R3HDM1: variants seen among roughly 807,000 people sequenced by gnomAD.
The protein encoded by R3HDM1 is R3H domain containing 1.
In R3HDM1, 46 loss-of-function variants were observed where a neutral mutation model predicts 141.1. The observed-to-expected ratio is 0.33, with a 90% CI of 0.26 to 0.42. The LOEUF (loss-of-function observed/expected upper bound fraction) is 0.42, where lower values mean the gene tolerates loss of function less well. R3HDM1 is among the 10% of genes least tolerant of loss of function. R3HDM1 has a pLI of 1.00. For missense variants in R3HDM1, 1,184 were observed against 1,368.3 expected, an observed-to-expected ratio of 0.87 and a Z score of 2.12; for synonymous variants, 435 against 472.9, an observed-to-expected ratio of 0.92 and a Z score of 1.04.
intron 1 of R3HDM1, chr2:135,559,112 G>A (rs1468034103): frequency 8.9e-6 from 8 of 899,382 alleles, no homozygotes; most frequent in Admixed American, 7.3e-5. Flanking sequence ...TGTGTGTGTG[G>A]TTTTGTTGTT....
chr2:135,575,546 A>C (rs1300126871), intron 1 of R3HDM1, among the ~76,000 whole-genome samples: 1 of 152,212 alleles, frequency 6.6e-6, no homozygotes, highest in East Asian at 1.9e-4. Context: ...ACAGGGGATC[A>C]CTGGTAAAAT....
intron 1 of R3HDM1, among the ~76,000 whole-genome samples, chr2:135,540,306 C>T (rs1331561182): frequency 1.3e-5 from 2 of 152,182 alleles, no homozygotes; most frequent in South Asian, 2.1e-4. Context: ...CCAAGTCATC[C>T]ATAAAGGTTG....
chr2:135,652,008 A>T lies in R3HDM1; in HGVS notation c.2004A>T (p.Gly668=), dbSNP rs2065200692. 6.2e-7 allele frequency: 1 copy of T among 1,602,176 alleles called. No homozygotes were observed. Among genetic ancestry groups the T allele is most frequent in the South Asian group, 1.1e-5 (1 of 88,538 alleles). The stretch of plus-strand genomic sequence containing the variant: ...GCCAGCCTGTGCTCCAGCAGCAGGG[A>T]TATATTCAGCAGCCATCACCACAGG... ...PVSQPVLQQQ[G]YIQQPSPQMP... is the part of the protein sequence containing the mutation. Residue 668 remains glycine, a synonymous_variant, in exon 18 of 27, where the codon GGA becomes GGT. Coordinates refer to ENST00000683871, the MANE Select transcript of R3HDM1 (RefSeq NM_001378107.1).
chr2:135,600,676 C>T (rs1307373021), intron 1 of R3HDM1, among the ~76,000 whole-genome samples: 1 of 152,176 alleles, frequency 6.6e-6, no homozygotes, highest in African/African-American at 2.4e-5. Context: ...ATGCCATTGA[C>T]TCCTTCCCAG....
chr2:135,657,410 C>T (rs78607624), intron 18 of R3HDM1, among the ~76,000 whole-genome samples: 1 of 73,896 alleles, frequency 1.4e-5, no homozygotes, highest in Non-Finnish European at 3.0e-5. Context: ...TACTCTGTCT[C>T]AAAAAAAAAA....
At chr2:135,591,901 C>G (rs770134086) in intron 1 of R3HDM1, among the ~76,000 whole-genome samples, 1 of 152,154 alleles carries the variant, frequency 6.6e-6, no homozygotes, top group Non-Finnish European at 1.5e-5. Flanking sequence ...TGTTCTCTCC[C>G]CATGAGGTCA....
At chr2:135,695,559 A>G (rs1446213777) in intron 21 of R3HDM1, among the ~76,000 whole-genome samples, 2 of 152,250 alleles carry the variant, frequency 1.3e-5, no homozygotes, top group Non-Finnish European at 2.9e-5. Context: ...CAAGCAAAAG[A>G]AATGTGAAGA....
At position 135,631,944 on chromosome 2, in the gene R3HDM1, A is replaced by G; in HGVS notation, c.641A>G (p.His214Arg). The G allele has an allele frequency of 1.2e-6, 2 of 1,612,818 alleles. No homozygotes were observed. Among genetic ancestry groups the G allele is most frequent in the Non-Finnish European group, 1.7e-6 (2 of 1,179,010 alleles). The change falls in exon 9 of 27, where the codon CAC becomes CGC. Residue 214 changes from histidine to arginine, a missense_variant. By Grantham distance (29) the His-to-Arg change is conservative. Coordinates refer to ENST00000683871, the MANE Select transcript of R3HDM1 (RefSeq NM_001378107.1). ...HRVAAYFGLD[H>R]NVDQSGKSVI... is the part of the protein sequence containing the mutation. Reference sequence around the variant, plus strand: ...GTAGCCGCTTACTTTGGATTAGACCACAATGTTGATCAGAGTGGGAAGTCT... The same window carrying G: ...GTAGCCGCTTACTTTGGATTAGACCGCAATGTTGATCAGAGTGGGAAGTCT...
At chr2:135,607,170 G>A (rs2060147916) in intron 3 of R3HDM1, 1 of 232,632 alleles carries the variant, frequency 4.3e-6, no homozygotes, top group Non-Finnish European at 7.0e-6. Context: ...TGTATTTTTT[G>A]TAGAAACAGG....
chr2:135,710,820 C>T (rs567033643), intron 23 of R3HDM1, among the ~76,000 whole-genome samples: 1 of 152,076 alleles, frequency 6.6e-6, no homozygotes, highest in Non-Finnish European at 1.5e-5. Flanking sequence ...ATTAATGTAA[C>T]CAAATAGTTG....
Position 135,667,410 on chromosome 2 carries a change from A to G in R3HDM1, c.2152+6017A>G, listed in dbSNP as rs1024529783. ...GGTAGTGTTTTAAAAAAAAAAATCT[A>G]TGTTGAGATCTGGATATTTATTTTG... is the stretch of plus-strand genomic sequence containing the variant. On this transcript the variant is annotated intron_variant, in intron 19 of 26. Transcript: ENST00000683871. Among the ~76,000 whole-genome samples the G allele has an allele frequency of 4.0e-5, 6 of 149,496 alleles. 1 individual carries two copies. In the South Asian group the frequency reaches 1.3e-3, roughly 32 times the overall value.
intron 1 of R3HDM1, chr2:135,566,819 G>A (rs1702885991): frequency 1.3e-5 from 12 of 958,382 alleles, no homozygotes; most frequent in Non-Finnish European, 1.5e-5. Flanking sequence ...ACAAAAATAC[G>A]AAAATTAGCC....
At chr2:135,651,198 T>A in intron 17 of R3HDM1, 1 of 985,102 alleles carries the variant, frequency 1.0e-6, no homozygotes, top group South Asian at 4.7e-5. Flanking sequence ...TTTGAAAGAT[T>A]AGAGAAAGGA....
chr2:135,642,873 A>G (rs1053277739), intron 15 of R3HDM1, among the ~76,000 whole-genome samples: 1 of 152,034 alleles, frequency 6.6e-6, no homozygotes, highest in Non-Finnish European at 1.5e-5. Flanking sequence ...TAAATAACTG[A>G]TTTTTCAGAA....
chr2:135,547,018 T>A (rs916728710), intron 1 of R3HDM1, among the ~76,000 whole-genome samples: 12 of 152,134 alleles, frequency 7.9e-5, no homozygotes, highest in African/African-American at 2.9e-4. Context: ...TTAAGATCAT[T>A]TTAATAAGTT....
chr2:135,618,153 ATTAAT>A (rs1162429915), intron 5 of R3HDM1, among the ~76,000 whole-genome samples: 1 of 150,058 alleles, frequency 6.7e-6, no homozygotes, highest in African/African-American at 2.5e-5. Context: ...AGGGCTGAAA[ATTAAT>A]TTATGATTTT....
intron 1 of R3HDM1, among the ~76,000 whole-genome samples, chr2:135,565,322 AATTATTATT>A (rs72174180): frequency 0.044 from 6,227 of 143,110 alleles, 428 homozygotes; most frequent in African/African-American, 0.15. Flanking sequence ...AATGAAAAAA[AATTATTATT>A]ATTATTATTA....
chr2:135,662,219 C>G (rs997076701), intron 19 of R3HDM1, among the ~76,000 whole-genome samples: 5 of 152,152 alleles, frequency 3.3e-5, no homozygotes, highest in African/African-American at 1.2e-4. Flanking sequence ...ATTGGAGGCT[C>G]CCTGACTATG....
In R3HDM1 at chr2:135,645,514, A is replaced by T. The variant is rs1460747072; in HGVS notation, c.1610A>T (p.His537Leu). The T allele has an allele frequency of 1.2e-6, 2 of 1,613,842 alleles. No individual in the cohort carries two copies. The highest frequency in any genetic ancestry group is 2.2e-5 in the South Asian group (2 of 91,042). Residue 537 changes from histidine (H) to leucine (L), a missense_variant, in exon 16 of 27, where the codon CAC (histidine) becomes CTC (leucine). Coordinates refer to ENST00000683871, the MANE Select transcript of R3HDM1 (RefSeq NM_001378107.1). ...PAPPQQPAAN[H>L]IFSQPVHPLQ... ...CCACCTCAACAACCAGCAGCTAATC[A>T]CATTTTCTCACAGGTGCACATATCC...
Sources: gnomAD v4.1 joint callset for allele counts (sites outside exome capture counted in the v4.1 genomes callset) on GRCh38, gnomAD v4.1.1 for gene constraint, MANE v1.5 for transcripts, NCBI Gene and HGNC (gene_info 2026-07-23, HGNC 2026-07-21) for gene names.